Variants in TBX5 observed in about 807,000 individuals in gnomAD.
TBX5 encodes the protein T-box transcription factor TBX5.
In TBX5, 8 loss-of-function variants were observed where a neutral mutation model predicts 51.1. The observed-to-expected ratio is 0.16, with a 90% CI of 0.09 to 0.28. TBX5 has a LOEUF of 0.28. TBX5 is among the 10% of genes least tolerant of loss of function. The pLI is 1.00. For missense variants in TBX5, 589 were observed against 671.7 expected (o/e 0.88, Z 1.36); for synonymous variants, 302 against 266.4 (o/e 1.13, Z -1.30).
At chr12:114,400,692 C>T (rs925967828) in intron 3 of TBX5, among the ~76,000 whole-genome samples, 15 of 152,186 alleles carry the variant, frequency 9.9e-5, no homozygotes, top group Admixed American at 9.8e-4. Context: ...CCTCACGGCT[C>T]AGGCTCGGGG....
intron 7 of TBX5, among the ~76,000 whole-genome samples, chr12:114,375,648 C>A (rs1202162639): frequency 6.6e-6 from 1 of 152,098 alleles, no homozygotes. Context: ...CAAATGTTGG[C>A]AAGGATGTGG....
intron 7 of TBX5, among the ~76,000 whole-genome samples, chr12:114,378,011 CCA>C (rs1870289917): frequency 6.6e-6 from 1 of 151,986 alleles, no homozygotes; most frequent in Non-Finnish European, 1.5e-5. Flanking sequence ...GGCTCAGATC[CCA>C]GTCACCAAAA....
intron 8 of TBX5, among the ~76,000 whole-genome samples, chr12:114,363,418 G>A (rs1371220049): frequency 6.6e-6 from 1 of 152,214 alleles, no homozygotes; most frequent in African/African-American, 2.4e-5. Flanking sequence ...CTTCAGGGAT[G>A]CATTTATAAG....
Position 114,406,062 on chromosome 12 carries a change from C to T in TBX5, c.-473G>A. ...TAAGAGTCAGTCTCTCTCACTCTCT[C>T]TCCCTCTCTCTCTCTCTCTGAAATA... On this transcript the variant is annotated 5_prime_UTR_variant, in exon 1 of 9. Coordinates refer to ENST00000405440, the MANE Select transcript of TBX5 (RefSeq NM_181486.4). 2.0e-6 allele frequency: 2 copies of T among 977,244 alleles called. No homozygotes were observed. Among genetic ancestry groups the T allele is most frequent in the Non-Finnish European group, 1.2e-6 (1 of 826,272 alleles). The allele number at this position is 977,244 out of a possible 1,614,324, so 60.5% of individuals were successfully genotyped here. A position where few individuals can be genotyped will look rare whatever the true frequency, so the allele number is the denominator to read the frequency against.
In TBX5 at chr12:114,374,286, C is replaced by T. The variant is rs769132129; in HGVS notation, c.756-7895G>A. Among the ~76,000 whole-genome samples, 6 of 152,194 alleles carry T rather than the reference C, an allele frequency of 3.9e-5. No homozygotes were observed. The East Asian group carries it at 5.8e-4, about 15-fold the overall frequency. ...AGTGGAGTTGGGTGATTGGGGGACA[C>T]GGCTTAGGGTGGGGATGGACAAAGA... is the stretch of plus-strand genomic sequence containing the variant. On this transcript the variant is annotated intron_variant, in intron 7 of 8. Coordinates refer to ENST00000405440, the MANE Select transcript of TBX5 (RefSeq NM_181486.4).
intron 7 of TBX5, among the ~76,000 whole-genome samples, chr12:114,383,473 AC>A (rs1057079800): frequency 1.4e-4 from 22 of 152,214 alleles, no homozygotes; most frequent in African/African-American, 2.2e-4. Flanking sequence ...GTCATGGCTA[AC>A]CAGGCAAAAG....
At chr12:114,378,356 T>C (rs1301059229) in intron 7 of TBX5, among the ~76,000 whole-genome samples, 2 of 152,156 alleles carry the variant, frequency 1.3e-5, no homozygotes, top group Non-Finnish European at 2.9e-5. Context: ...GGGGGTTCTC[T>C]CCATCCTGAA....
chr12:114,394,306 G>T (rs1420532488), intron 6 of TBX5, among the ~76,000 whole-genome samples: 3 of 152,188 alleles, frequency 2.0e-5, no homozygotes, highest in Non-Finnish European at 4.4e-5. Context: ...CAGACAGAGT[G>T]AGACCCTGTC....
In TBX5 at chr12:114,355,376, T is replaced by A; in HGVS notation, c.*156A>T. ...TTGTGGTTTCAAGCTACTGATTAGA[T>A]CAGCATCCAGCGACCTTGAGTGCAG... On this transcript the variant is annotated 3_prime_UTR_variant, in exon 9 of 9. Coordinates refer to ENST00000405440, the MANE Select transcript of TBX5 (RefSeq NM_181486.4). 1.1e-6 allele frequency: 1 copy of A among 917,654 alleles called. No individual in the cohort carries two copies. The highest frequency in any genetic ancestry group is 2.0e-5 in the Admixed American group (1 of 50,242). 56.8% of individuals were successfully genotyped at this position (917,654 alleles called of 1,614,324 possible).
chr12:114,382,968 C>A (rs1364424833), intron 7 of TBX5, among the ~76,000 whole-genome samples: 1 of 132,946 alleles, frequency 7.5e-6, no homozygotes, highest in Non-Finnish European at 1.6e-5. Flanking sequence ...CAGAGTGAGA[C>A]CCTGTCTCCA....
intron 7 of TBX5, among the ~76,000 whole-genome samples, chr12:114,379,704 G>C (rs1870402815): frequency 6.6e-6 from 1 of 152,188 alleles, no homozygotes; most frequent in South Asian, 2.1e-4. Context: ...GCTCAGCGCG[G>C]CAGCCTGGAC....
chr12:114,392,817 C>T (rs981493831), intron 6 of TBX5, among the ~76,000 whole-genome samples: 4 of 152,106 alleles, frequency 2.6e-5, no homozygotes, highest in African/African-American at 7.2e-5. Context: ...CTCAAATTGG[C>T]CTGAAATAGT....
At chr12:114,389,450 T>C (rs149723248) in intron 6 of TBX5, among the ~76,000 whole-genome samples, 14 of 151,628 alleles carry the variant, frequency 9.2e-5, no homozygotes, top group African/African-American at 3.4e-4. Context: ...TAAGGAGAAA[T>C]AGATCATTTA....
chr12:114,398,492 A>G, intron 5 of TBX5, 81 bp downstream of exon 5: 1 of 1,556,912 alleles, frequency 6.4e-7, no homozygotes, highest in South Asian at 1.2e-5. Context: ...CACAGAGCCA[A>G]GAAGGGAGAG....
rs376106522 is a variant in TBX5, at chr12:114,389,804, C to G, written c.664-4237G>C. Among the ~76,000 whole-genome samples, 5 of 138,592 alleles carry G rather than the reference C, an allele frequency of 3.6e-5. No individual in the cohort carries two copies. In the East Asian group the frequency reaches 9.2e-4, roughly 26 times the overall value. 90.9% of individuals were successfully genotyped at this position (138,592 alleles called of 152,430 possible). ...AAAAAAAAAAAGTGGATGAAGGACA[C>G]CTTTTCCTCCCACCTCCCAGCCTGC... On this transcript the variant is annotated intron_variant, in intron 6 of 8. Transcript: ENST00000405440.
chr12:114,375,386 A>G (rs1352573735), intron 7 of TBX5, among the ~76,000 whole-genome samples: 2 of 152,208 alleles, frequency 1.3e-5, no homozygotes, highest in East Asian at 3.9e-4. Context: ...GGTAATTGTG[A>G]TGTCTACCAA....
At chr12:114,358,272 C>T (rs544521713) in intron 8 of TBX5, among the ~76,000 whole-genome samples, 3 of 152,278 alleles carry the variant, frequency 2.0e-5, no homozygotes, top group South Asian at 4.1e-4. Context: ...AACATGATCC[C>T]GTTTTTGGTG....
At chr12:114,402,939 C>T (rs952583430) in intron 2 of TBX5, among the ~76,000 whole-genome samples, 1 of 152,238 alleles carries the variant, frequency 6.6e-6, no homozygotes, top group Non-Finnish European at 1.5e-5. Flanking sequence ...AGGAAGGGAT[C>T]GAAATCCCAA....
At chr12:114,384,487 C>G (rs4767240) in intron 7 of TBX5, among the ~76,000 whole-genome samples, 1 of 152,020 alleles carries the variant, frequency 6.6e-6, no homozygotes, top group African/African-American at 2.4e-5. Flanking sequence ...AGCCCGCTAT[C>G]TAAAAACAAT....
Sources: gnomAD v4.1 joint callset for allele counts (sites outside exome capture counted in the v4.1 genomes callset) on GRCh38, gnomAD v4.1.1 for gene constraint, MANE v1.5 for transcripts, NCBI Gene and HGNC (gene_info 2026-07-23, HGNC 2026-07-21) for gene names.